Variants in ICA1 observed in about 807,000 individuals in gnomAD.
ICA1 encodes the protein islet cell autoantigen 1.
A neutral mutation model predicts 71.0 loss-of-function variants in ICA1; 40 were observed. The ratio of observed to expected loss-of-function variants is 0.56; its 90% CI spans 0.44 to 0.73. ICA1 has a LOEUF of 0.73. ICA1 is among the 30% of genes least tolerant of loss of function. ICA1 has a pLI of 0.00. For synonymous variants in ICA1, 207 were observed against 209.5 expected (o/e 0.99, Z 0.10); for missense variants, 578 against 576.5 (o/e 1.00, Z -0.03).
chr7:8,185,998 T>C (rs923668921), intron 6 of ICA1, among the ~76,000 whole-genome samples: 1 of 152,166 alleles, frequency 6.6e-6, no homozygotes, highest in African/African-American at 2.4e-5. Flanking sequence ...ATACAGCATA[T>C]AAATAATCAT....
intron 1 of ICA1, among the ~76,000 whole-genome samples, chr7:8,258,005 T>C (rs1270070796): frequency 6.6e-6 from 1 of 152,166 alleles, no homozygotes; most frequent in Admixed American, 6.5e-5. Flanking sequence ...CTTATTTACC[T>C]GCTGAATTCC....
At chr7:8,189,215 C>T (rs1784800093) in intron 6 of ICA1, among the ~76,000 whole-genome samples, 1 of 152,154 alleles carries the variant, frequency 6.6e-6, no homozygotes, top group African/African-American at 2.4e-5. Flanking sequence ...AAGCCCAGAG[C>T]CTGCACAAAG....
In ICA1 at chr7:8,218,282, C is replaced by T. The variant is rs142689844; in HGVS notation, c.579+23G>A. The T allele has an allele frequency of 6.0e-3, 9,669 of 1,610,002 alleles. 39 individuals are homozygous for T. The highest frequency in any genetic ancestry group is 7.2e-3 in the Non-Finnish European group (8,434 of 1,176,358). On this transcript the variant is annotated intron_variant, in intron 6 of 13. Transcript: ENST00000402384. ...TACCTTCCAGCAGGTACCCCTTCTGCTAACCCTCATAAAACCTCCTACCTT... is the reference window on the plus strand; with the variant it reads ...TACCTTCCAGCAGGTACCCCTTCTGTTAACCCTCATAAAACCTCCTACCTT...
intron 1 of ICA1, among the ~76,000 whole-genome samples, chr7:8,245,010 C>T (rs1460140608): frequency 6.6e-6 from 1 of 152,112 alleles, no homozygotes; most frequent in Non-Finnish European, 1.5e-5. Context: ...GGTGATTCCT[C>T]AAGGATCTAG....
intron 4 of ICA1, 29 bp from the exon 5 acceptor site, chr7:8,221,427 T>G: frequency 1.9e-6 from 3 of 1,611,278 alleles, no homozygotes; most frequent in Non-Finnish European, 2.5e-6. Context: ...AAAGGAGCCA[T>G]GAACAATGAG....
At chr7:8,137,612 T>C (rs985918669) in intron 12 of ICA1, among the ~76,000 whole-genome samples, 1 of 152,262 alleles carries the variant, frequency 6.6e-6, no homozygotes, top group African/African-American at 2.4e-5. Flanking sequence ...CTACATTAAC[T>C]GCTTATTACT....
intron 6 of ICA1, among the ~76,000 whole-genome samples, chr7:8,212,996 G>A (rs1041265546): frequency 6.6e-6 from 1 of 152,172 alleles, no homozygotes; most frequent in African/African-American, 2.4e-5. Flanking sequence ...AAAACAGCAG[G>A]CTTTTCCTTC....
chr7:8,192,238 C>A (rs568718202), intron 6 of ICA1, among the ~76,000 whole-genome samples: 1 of 152,288 alleles, frequency 6.6e-6, no homozygotes, highest in South Asian at 2.1e-4. Context: ...TAAAATCATA[C>A]ACTGCATTCA....
At chr7:8,118,137 T>C (rs1231678144) in intron 13 of ICA1, among the ~76,000 whole-genome samples, 1 of 152,228 alleles carries the variant, frequency 6.6e-6, no homozygotes, top group Non-Finnish European at 1.5e-5. Flanking sequence ...CTGGCACATA[T>C]TCATTATTAC....
intron 1 of ICA1, among the ~76,000 whole-genome samples, chr7:8,261,055 G>A (rs184197470): frequency 6.6e-6 from 1 of 152,282 alleles, no homozygotes; most frequent in East Asian, 1.9e-4. Flanking sequence ...TCACTCCCAA[G>A]CAAGCTGGTG....
chr7:8,125,835 C>T lies in ICA1; in HGVS notation c.1330+2038G>A, dbSNP rs567744236. On this transcript the variant is annotated intron_variant, in intron 13 of 13. Coordinates refer to ENST00000402384, the MANE Select transcript of ICA1 (RefSeq NM_001136020.3). ...CTGAGTAACAAATGGCCTCCCTTTGCAGTTCCTGTTTCTCTTTCCGTAGCA... is the reference window on the plus strand; with the variant it reads ...CTGAGTAACAAATGGCCTCCCTTTGTAGTTCCTGTTTCTCTTTCCGTAGCA... Among the ~76,000 whole-genome samples, 9 of 152,318 alleles carry T rather than the reference C, an allele frequency of 5.9e-5. No individual in the cohort carries two copies. The South Asian group carries it at 1.4e-3, about 25-fold the overall frequency.
chr7:8,144,075 T>C lies in ICA1; in HGVS notation c.805-103A>G. Reference sequence around the variant, plus strand: ...TATCAATTAAAAAATTCAACTGCCATTTGTCCCAGCAACCAAACTTTGAAT... The same window carrying C: ...TATCAATTAAAAAATTCAACTGCCACTTGTCCCAGCAACCAAACTTTGAAT... On this transcript the variant is annotated intron_variant, in intron 8 of 13. Transcript: ENST00000402384. This position sits in a 1 kb window ranked among gnomAD's most constrained non-coding sequence, Gnocchi z 4.5. 1.5e-6 allele frequency: 1 copy of C among 682,474 alleles called. No individual in the cohort carries two copies. Among genetic ancestry groups the C allele is most frequent in the East Asian group, 2.7e-5 (1 of 37,008 alleles). 42.3% of individuals were successfully genotyped at this position (682,474 alleles called of 1,614,324 possible).
chr7:8,156,743 T>C (rs1234167102), intron 8 of ICA1: 4 of 1,268,722 alleles, frequency 3.2e-6, no homozygotes, highest in Non-Finnish European at 4.2e-6. Flanking sequence ...TAAAAGTAAC[T>C]GAGTTTATGG....
chr7:8,218,433 C>T lies in ICA1; in HGVS notation c.451G>A (p.Asp151Asn). 6.2e-7 allele frequency: 1 copy of T among 1,614,124 alleles called. No homozygotes were observed. Among genetic ancestry groups the T allele is most frequent in the Non-Finnish European group, 8.5e-7 (1 of 1,179,988 alleles). ...VETFRHRAIS[D>N]TWLTVNRMEQ... ...ATGCGGTTCACCGTCAGCCAAGTAT[C>T]TGAGATGGCCCGATGCCGAAAAGTC... Residue 151 changes from aspartate (D) to asparagine (N), a missense_variant, in exon 6 of 14, where the codon GAT becomes AAT. Physicochemically the swap from Asp to Asn is conservative, Grantham distance 23 (BLOSUM62 1). Transcript: ENST00000402384.
At position 8,227,686 on chromosome 7, in the gene ICA1, A is replaced by T. The variant is rs1253845465; in HGVS notation, c.256+915T>A. 7.2e-6 allele frequency: 3 copies of T among 414,606 alleles called. No homozygotes were observed. The Admixed American group carries it at 8.2e-5, about 11-fold the overall frequency. The allele number at this position is 414,606 out of a possible 1,614,324, so 25.7% of individuals were successfully genotyped here. On this transcript the variant is annotated intron_variant, in intron 4 of 13. Coordinates refer to ENST00000402384, the MANE Select transcript of ICA1 (RefSeq NM_001136020.3). ...CAACGGCTCATTATAGGTCACTGTG[A>T]TCCTCCTGCCTCAGCCTCCTGAGTA...
At chr7:8,196,392 G>A (rs1229356918) in intron 6 of ICA1, among the ~76,000 whole-genome samples, 2 of 152,140 alleles carry the variant, frequency 1.3e-5, no homozygotes, top group African/African-American at 2.4e-5. Context: ...ATGACTGCTC[G>A]GGCAATGAAA....
chr7:8,241,018 C>G (rs10243615), intron 1 of ICA1, among the ~76,000 whole-genome samples: 54,834 of 151,992 alleles, frequency 0.36, 10,280 homozygotes, highest in East Asian at 0.49. Context: ...AGAATTTCCC[C>G]AACCTAGCAA....
At chr7:8,240,931 A>G (rs1202767930) in intron 1 of ICA1, among the ~76,000 whole-genome samples, 3 of 152,228 alleles carry the variant, frequency 2.0e-5, no homozygotes, top group Admixed American at 6.5e-5. Flanking sequence ...GACCAAATCT[A>G]TGCTTGACTG....
At chr7:8,152,667 A>ATCT (rs1799497236) in intron 8 of ICA1, among the ~76,000 whole-genome samples, 1 of 149,072 alleles carries the variant, frequency 6.7e-6, no homozygotes, top group African/African-American at 2.5e-5. Flanking sequence ...CACCACCACC[A>ATCT]CCATTATCTC....
Sources: gnomAD v4.1 joint callset for allele counts (sites outside exome capture counted in the v4.1 genomes callset) on GRCh38, gnomAD v4.1.1 for gene constraint, Gnocchi (gnomAD v3.1) non-coding constraint, MANE v1.5 for transcripts, NCBI Gene and HGNC (gene_info 2026-07-23, HGNC 2026-07-21) for gene names.